Variants in LRFN5 observed in about 807,000 individuals in gnomAD.
LRFN5 encodes the protein leucine-rich repeat and fibronectin type-III domain-containing protein 5.
A neutral mutation model predicts 45.6 loss-of-function variants in LRFN5; 24 were observed. The observed-to-expected ratio is 0.53, with a 90% CI of 0.38 to 0.74. The LOEUF (loss-of-function observed/expected upper bound fraction) is 0.74. Ranked by LOEUF, LRFN5 falls within the 30% of genes least tolerant of loss-of-function variation. The pLI is 0.00. For missense variants in LRFN5, 776 were observed against 861.5 expected (o/e 0.90, Z 1.24); for synonymous variants, 340 against 313.8 (o/e 1.08, Z -0.88).
intron 1 of LRFN5, among the ~76,000 whole-genome samples, chr14:41,661,989 G>C (rs1468240607): frequency 6.6e-6 from 1 of 152,026 alleles, no homozygotes; most frequent in Non-Finnish European, 1.5e-5. Context: ...AAAGAGAAGA[G>C]TATCCCATGA....
At chr14:41,799,031 G>A (rs368427529) in intron 2 of LRFN5, among the ~76,000 whole-genome samples, 1 of 151,380 alleles carries the variant, frequency 6.6e-6, no homozygotes, top group African/African-American at 2.4e-5. Context: ...GTTTTAACTT[G>A]GTCTCTGGTT....
chr14:41,887,633 G>T lies in LRFN5; in HGVS notation c.1008G>T (p.Val336=), dbSNP rs1382570868. 4.3e-6 allele frequency: 7 copies of T among 1,614,108 alleles called. No homozygotes were observed. The highest frequency in any genetic ancestry group is 5.1e-6 in the Non-Finnish European group (6 of 1,180,056). ...KLISNATRSL[V]YDNGTLDILI... ...TTTCAAATGCAACAAGATCTCTGGT[G>T]TATGATAACGGAACACTTGACATTC... is the stretch of plus-strand genomic sequence containing the variant. Residue 336 remains valine (V), a synonymous_variant, in exon 3 of 6, where the codon GTG becomes GTT. Coordinates refer to ENST00000298119, the MANE Select transcript of LRFN5 (RefSeq NM_152447.5). This position sits in a 1 kb window ranked among gnomAD's most constrained non-coding sequence, Gnocchi z 4.8.
intron 3 of LRFN5, among the ~76,000 whole-genome samples, chr14:41,889,984 C>T (rs570822310): frequency 6.6e-6 from 1 of 152,236 alleles, no homozygotes; most frequent in South Asian, 2.1e-4. Flanking sequence ...CTGTCTCAGC[C>T]TGCCCAGTAG....
At chr14:41,817,876 T>C (rs1868781306) in intron 2 of LRFN5, among the ~76,000 whole-genome samples, 1 of 152,152 alleles carries the variant, frequency 6.6e-6, no homozygotes. Context: ...ACTGAGGTTT[T>C]CCTATATAGA....
At chr14:41,700,289 T>C (rs1882785444) in intron 1 of LRFN5, 1 of 151,954 alleles carries the variant, frequency 6.6e-6, no homozygotes, top group Non-Finnish European at 1.5e-5. Context: ...ATGAGTTGAG[T>C]CAATTAGAAA....
At chr14:41,849,442 TA>T (rs1212366829) in intron 2 of LRFN5, among the ~76,000 whole-genome samples, 162 of 144,306 alleles carry the variant, frequency 1.1e-3, no homozygotes, top group African/African-American at 3.1e-3. Context: ...TTAGTGTGGT[TA>T]AAAAAAAAAA....
intron 4 of LRFN5, chr14:41,894,576 T>C: frequency 1.0e-6 from 1 of 971,086 alleles, no homozygotes; most frequent in Non-Finnish European, 1.2e-6. Context: ...AAGGTCAAAA[T>C]TTTTTTGTAT....
At chr14:41,626,830 G>T (rs1334518816) in intron 1 of LRFN5, among the ~76,000 whole-genome samples, 1 of 152,004 alleles carries the variant, frequency 6.6e-6, no homozygotes, top group East Asian at 1.9e-4. Context: ...AATAGGTTCT[G>T]CTAAGATGCT....
At chr14:41,858,901 A>G (rs4904895) in intron 2 of LRFN5, among the ~76,000 whole-genome samples, 90,186 of 152,014 alleles carry the variant, frequency 0.59, 27,363 homozygotes, top group Middle Eastern at 0.77. Flanking sequence ...ATTGTTCTTT[A>G]GTTTTCCTTC....
At chr14:41,641,951 G>C (rs1308899072) in intron 1 of LRFN5, among the ~76,000 whole-genome samples, 1 of 152,006 alleles carries the variant, frequency 6.6e-6, no homozygotes. Context: ...GTGCTTTTCT[G>C]TAATACCTTG....
At chr14:41,857,667 A>G (rs1889518840) in intron 2 of LRFN5, among the ~76,000 whole-genome samples, 1 of 152,208 alleles carries the variant, frequency 6.6e-6, no homozygotes, top group Non-Finnish European at 1.5e-5. Context: ...TGCATAATAC[A>G]CATACTCTGG....
chr14:41,633,235 A>G (rs74045177), intron 1 of LRFN5, among the ~76,000 whole-genome samples: 6,908 of 152,138 alleles, frequency 0.045, 525 homozygotes, highest in African/African-American at 0.16. Flanking sequence ...AAGAAAAAAT[A>G]TATAGTACTA....
intron 2 of LRFN5, among the ~76,000 whole-genome samples, 186 bp from the exon 3 acceptor site, chr14:41,886,420 A>G (rs935471171): frequency 6.6e-5 from 10 of 152,190 alleles, no homozygotes; most frequent in African/African-American, 2.2e-4. Flanking sequence ...GAAACTATCA[A>G]TGGTATGTTA....
At chr14:41,902,604 ACT>A (rs1293145154) in intron 5 of LRFN5, among the ~76,000 whole-genome samples, 2 of 151,788 alleles carry the variant, frequency 1.3e-5, no homozygotes, top group Non-Finnish European at 3.0e-5. Flanking sequence ...TTAATGTGAA[ACT>A]CTAGTAAATC....
intron 1 of LRFN5, among the ~76,000 whole-genome samples, chr14:41,623,014 C>T (rs928036842): frequency 3.3e-5 from 5 of 152,008 alleles, no homozygotes; most frequent in Non-Finnish European, 7.4e-5. Context: ...GCTATGCTTA[C>T]AGTTAGAGGA....
At chr14:41,717,415 T>C (rs1017914573) in intron 1 of LRFN5, among the ~76,000 whole-genome samples, 1 of 152,230 alleles carries the variant, frequency 6.6e-6, no homozygotes, top group Non-Finnish European at 1.5e-5. Context: ...TATGTCTTGC[T>C]AGATGTAAAC....
intron 1 of LRFN5, among the ~76,000 whole-genome samples, chr14:41,687,719 C>T (rs1433448542): frequency 6.6e-6 from 1 of 152,116 alleles, no homozygotes; most frequent in Non-Finnish European, 1.5e-5. Flanking sequence ...TCATCATCCT[C>T]AGCAAACTAA....
chr14:41,696,827 C>T (rs1882634388), intron 1 of LRFN5, among the ~76,000 whole-genome samples: 2 of 151,846 alleles, frequency 1.3e-5, no homozygotes, highest in African/African-American at 4.8e-5. Flanking sequence ...CTAATGATGC[C>T]AGGCATGTTT....
At chr14:41,869,742 C>T (rs955734081) in intron 2 of LRFN5, among the ~76,000 whole-genome samples, 11 of 151,972 alleles carry the variant, frequency 7.2e-5, no homozygotes, top group Non-Finnish European at 1.2e-4. Flanking sequence ...GGGAAACTCC[C>T]CCTTATAAAA....
Sources: allele counts gnomAD v4.1 joint callset (sites outside exome capture counted in the v4.1 genomes callset), GRCh38; gene constraint gnomAD v4.1.1; non-coding constraint Gnocchi (gnomAD v3.1); transcripts MANE v1.5; gene names NCBI Gene and HGNC (gene_info 2026-07-23, HGNC 2026-07-21).